The following TXNDC16 variants were observed in gnomAD, a reference collection of about 807,000 sequenced individuals.
TXNDC16 encodes the protein thioredoxin domain-containing protein 16.
In TXNDC16, 74 loss-of-function variants were observed where a neutral mutation model predicts 85.6. That is an observed-to-expected ratio of 0.86 (90% CI 0.72 to 1.05). The LOEUF is 1.05. TXNDC16 is among the 50% of genes least tolerant of loss of function. The pLI is 0.00. For synonymous variants in TXNDC16, 335 were observed against 326.5 expected, an observed-to-expected ratio of 1.03 and a Z score of -0.28; for missense variants, 959 against 947.0, an observed-to-expected ratio of 1.01 and a Z score of -0.17.
chr14:52,474,854 G>C (rs2035985545), intron 14 of TXNDC16, among the ~76,000 whole-genome samples: 1 of 152,184 alleles, frequency 6.6e-6, no homozygotes, highest in South Asian at 2.1e-4. Context: ...ACAGAACAGC[G>C]TGTGGAGGCT....
At chr14:52,480,043 C>T (rs1006119755) in intron 14 of TXNDC16, among the ~76,000 whole-genome samples, 3 of 151,982 alleles carry the variant, frequency 2.0e-5, no homozygotes, top group African/African-American at 7.2e-5. Flanking sequence ...TTCAACAAAG[C>T]AAACAAAAAT....
chr14:52,457,794 A>G (rs761769601), intron 16 of TXNDC16, among the ~76,000 whole-genome samples: 5 of 152,246 alleles, frequency 3.3e-5, no homozygotes, highest in Admixed American at 6.5e-5. Context: ...AATACAAGCT[A>G]TTTCTACAAA....
rs1289367134 is a variant in TXNDC16 at position 52,543,681 on chromosome 14, T to A, written c.-73-51A>T. 3.8e-6 allele frequency: 4 copies of A among 1,057,150 alleles called. 1 individual carries two copies. The Middle Eastern group carries it at 6.2e-4, about 163-fold the overall frequency. The allele number at this position is 1,057,150 out of a possible 1,614,324, so 65.5% of individuals were successfully genotyped here. ...GAGTTTGTTGAATGAATTTGTTAAA[T>A]GAATGAATGAAGTAAAATCTACAAA... On this transcript the variant is annotated intron_variant, in intron 2 of 20. Transcript: ENST00000281741.
intron 6 of TXNDC16, among the ~76,000 whole-genome samples, chr14:52,530,324 T>C (rs1393591755): frequency 3.9e-5 from 2 of 51,214 alleles, no homozygotes; most frequent in African/African-American, 8.3e-5. Context: ...ATATAATTAT[T>C]TTTATATTAT....
chr14:52,522,894 C>G (rs1566576697), intron 6 of TXNDC16, among the ~76,000 whole-genome samples: 1 of 152,166 alleles, frequency 6.6e-6, no homozygotes, highest in African/African-American at 2.4e-5. Context: ...CTATCATTAA[C>G]CCCATTTTAA....
chr14:52,448,329 C>A (rs538953276), intron 18 of TXNDC16, among the ~76,000 whole-genome samples: 13 of 152,002 alleles, frequency 8.6e-5, no homozygotes, highest in African/African-American at 3.1e-4. Context: ...AGCTCCAATA[C>A]ACCTAGCAGC....
At chr14:52,448,580 T>A (rs1182799185) in intron 18 of TXNDC16, among the ~76,000 whole-genome samples, 1 of 151,980 alleles carries the variant, frequency 6.6e-6, no homozygotes, top group Non-Finnish European at 1.5e-5. Context: ...TAATGAGCAA[T>A]AAAAATTCAT....
intron 6 of TXNDC16, among the ~76,000 whole-genome samples, chr14:52,530,064 A>C (rs2037464452): frequency 1.1e-5 from 1 of 87,618 alleles, no homozygotes; most frequent in Non-Finnish European, 2.0e-5. Context: ...CATTATATTT[A>C]TATATTATAT....
intron 9 of TXNDC16, among the ~76,000 whole-genome samples, chr14:52,509,495 TA>T (rs11459748): frequency 4.0e-5 from 6 of 150,314 alleles, no homozygotes; most frequent in African/African-American, 1.2e-4. Context: ...CTGCTTTCTT[TA>T]AAAAAAAAAT....
chr14:52,506,325 A>G (rs2036798942), intron 9 of TXNDC16, among the ~76,000 whole-genome samples: 2 of 152,214 alleles, frequency 1.3e-5, no homozygotes, highest in African/African-American at 4.8e-5. Context: ...AAAATCCTCA[A>G]TAAAATACTG....
chr14:52,548,483 T>C (rs576300777), intron 1 of TXNDC16, among the ~76,000 whole-genome samples: 1 of 152,252 alleles, frequency 6.6e-6, no homozygotes, highest in African/African-American at 2.4e-5. Context: ...GCAGACGCAG[T>C]TTGTCAATTC....
rs367581880 is a variant in TXNDC16 at position 52,519,293 on chromosome 14, A to G, written c.393T>C (p.Phe131=). The G allele has an allele frequency of 2.3e-5, 36 of 1,588,800 alleles. No homozygotes were observed. The African/African-American group carries it at 3.7e-4, about 16-fold the overall frequency. Residue 131 remains phenylalanine, a splice_region_variant and synonymous_variant, in exon 7 of 21, where the codon TTT becomes TTC. Transcript: ENST00000281741. ...DVNAIVAHVL[F]ALLFSEVKYI... ...ATTTCACTTCACTAAAAAGAAGAGC[A>G]CTGAAATAAATACAGATATAATTAG...
chr14:52,455,321 C>T lies in TXNDC16; in HGVS notation c.1842+3G>A. 6.2e-7 allele frequency: 1 copy of T among 1,613,372 alleles called. No individual in the cohort carries two copies. Among genetic ancestry groups the T allele is most frequent in the Non-Finnish European group, 8.5e-7 (1 of 1,179,638 alleles). On this transcript the variant is annotated splice_donor_region_variant and intron_variant, in intron 18 of 20. Transcript: ENST00000281741. Reference sequence around the variant, plus strand: ...TATCACCCTTATTATAAAACATACTCACAAACATTTCCAGTAGTGCATCTG... The same window carrying T: ...TATCACCCTTATTATAAAACATACTTACAAACATTTCCAGTAGTGCATCTG...
chr14:52,461,909 C>T (rs1186766004), intron 16 of TXNDC16, among the ~76,000 whole-genome samples: 1 of 152,158 alleles, frequency 6.6e-6, no homozygotes, highest in Admixed American at 6.5e-5. Flanking sequence ...CAAGCAAGTG[C>T]CAAAAATATT....
rs752100820 is a variant in TXNDC16, at chr14:52,490,404, T to C, written c.971A>G (p.Lys324Arg). 1 of 1,599,008 alleles carries C rather than the reference T, an allele frequency of 6.3e-7. No homozygotes were observed. The highest frequency in any genetic ancestry group is 8.5e-7 in the Non-Finnish European group (1 of 1,174,758). The change falls in exon 11 of 21, where the codon AAA becomes AGA. Residue 324 changes from lysine to arginine, a missense_variant. Physicochemically the swap from Lys to Arg is conservative, Grantham distance 26. Transcript: ENST00000281741. ...AAAACAACTAACCTCTTCTGCTCTTTTGAAGACCACATTAGCATCTTGAGG... is the reference window on the plus strand; with the variant it reads ...AAAACAACTAACCTCTTCTGCTCTTCTGAAGACCACATTAGCATCTTGAGG... ...NIPQDANVVF[K>R]RAEEGVPVEF... is the part of the protein sequence containing the mutation.
At chr14:52,433,762 T>A (rs1218069507) in intron 20 of TXNDC16, among the ~76,000 whole-genome samples, 1 of 152,258 alleles carries the variant, frequency 6.6e-6, no homozygotes, top group African/African-American at 2.4e-5. Context: ...CAAATTGGTG[T>A]TGCCAGGTTA....
intron 6 of TXNDC16, among the ~76,000 whole-genome samples, chr14:52,523,643 A>G (rs943584809): frequency 3.9e-5 from 6 of 152,222 alleles, no homozygotes; most frequent in African/African-American, 1.4e-4. Context: ...CATAGATTAA[A>G]AACAAACCAA....
intron 6 of TXNDC16, among the ~76,000 whole-genome samples, chr14:52,521,366 C>T (rs961693895): frequency 4.5e-4 from 68 of 151,998 alleles, no homozygotes; most frequent in African/African-American, 1.5e-3. Context: ...CATGATCCGC[C>T]CACCTCGGCC....
At chr14:52,473,055 TATC>T (rs2035945210) in intron 14 of TXNDC16, among the ~76,000 whole-genome samples, 1 of 152,120 alleles carries the variant, frequency 6.6e-6, no homozygotes, top group Non-Finnish European at 1.5e-5. Flanking sequence ...ACTATGTAAA[TATC>T]ATACCTGACT....
Sources: allele counts gnomAD v4.1 joint callset (sites outside exome capture counted in the v4.1 genomes callset), GRCh38; gene constraint gnomAD v4.1.1; transcripts MANE v1.5; gene names NCBI Gene and HGNC (gene_info 2026-07-23, HGNC 2026-07-21).